EFCAB11: variants seen among roughly 807,000 people sequenced by gnomAD.
The protein encoded by EFCAB11 is EF-hand calcium-binding domain-containing protein 11.
Under a neutral mutation model 23.0 loss-of-function variants are expected in EFCAB11, and 14 were observed. The ratio of observed to expected loss-of-function variants is 0.61; its 90% CI spans 0.40 to 0.95. The LOEUF is 0.95. EFCAB11 is among the 40% of genes least tolerant of loss of function. The probability of loss-of-function intolerance (pLI) is 0.00; values close to 1 mark genes in which losing one functional copy is unlikely to be tolerated. For synonymous variants in EFCAB11, 65 were observed against 66.6 expected, an observed-to-expected ratio of 0.98 and a Z score of 0.11; for missense variants, 198 against 195.8, an observed-to-expected ratio of 1.01 and a Z score of -0.07.
intron 5 of EFCAB11, among the ~76,000 whole-genome samples, chr14:89,875,037 A>T (rs1452847614): frequency 6.6e-6 from 1 of 152,222 alleles, no homozygotes; most frequent in African/African-American, 2.4e-5. Flanking sequence ...AGTGTAGTGC[A>T]CATGCAGCCG....
chr14:89,943,671 G>A (rs1890870166), intron 3 of EFCAB11, among the ~76,000 whole-genome samples: 1 of 152,176 alleles, frequency 6.6e-6, no homozygotes, highest in Admixed American at 6.5e-5. Flanking sequence ...CAATAAGAGG[G>A]AAAGAAGAAA....
At chr14:89,887,587 T>C (rs1023446722) in intron 5 of EFCAB11, among the ~76,000 whole-genome samples, 2 of 152,192 alleles carry the variant, frequency 1.3e-5, no homozygotes, top group African/African-American at 2.4e-5. Context: ...AGGTATTAAA[T>C]TGAAATAAAG....
intron 5 of EFCAB11, among the ~76,000 whole-genome samples, chr14:89,814,050 G>A (rs868792532): frequency 6.7e-6 from 1 of 148,692 alleles, no homozygotes; most frequent in Non-Finnish European, 1.5e-5. Context: ...AAGTTTTACT[G>A]AAAATAGCTC....
intron 5 of EFCAB11, among the ~76,000 whole-genome samples, chr14:89,894,546 T>C (rs776827183): frequency 6.6e-6 from 1 of 151,628 alleles, no homozygotes; most frequent in Non-Finnish European, 1.5e-5. Flanking sequence ...AATTCTTTAA[T>C]CTGAGAAAGG....
chr14:89,944,555 GA>G (rs571831855), intron 3 of EFCAB11, among the ~76,000 whole-genome samples: 86 of 152,260 alleles, frequency 5.6e-4, no homozygotes, highest in African/African-American at 1.7e-3. Context: ...TCAATGCAAA[GA>G]ATGTGGGAAA....
chr14:89,867,794 G>A (rs1391858310), intron 5 of EFCAB11, among the ~76,000 whole-genome samples: 1 of 152,158 alleles, frequency 6.6e-6, no homozygotes, highest in African/African-American at 2.4e-5. Flanking sequence ...GAGTTTTGCT[G>A]GGTTGGGGAA....
chr14:89,830,617 T>C (rs1360537770), intron 5 of EFCAB11: 1 of 152,202 alleles, frequency 6.6e-6, no homozygotes, highest in African/African-American at 2.4e-5. Flanking sequence ...TCAATATATA[T>C]CCCTTTGAAA....
intron 3 of EFCAB11, among the ~76,000 whole-genome samples, chr14:89,940,221 A>G (rs937603588): frequency 2.6e-5 from 4 of 152,206 alleles, no homozygotes; most frequent in African/African-American, 9.7e-5. Flanking sequence ...AGGTAACCTT[A>G]ATGTGTATGC....
At chr14:89,892,087 G>A (rs1232063594) in intron 5 of EFCAB11, 99 of 1,544,850 alleles carry the variant, frequency 6.4e-5, no homozygotes, top group Non-Finnish European at 8.0e-5. Flanking sequence ...TGACAAACAG[G>A]AAGTCCTTTG....
intron 5 of EFCAB11, among the ~76,000 whole-genome samples, chr14:89,881,452 C>T (rs867266518): frequency 2.1e-4 from 10 of 46,744 alleles, no homozygotes; most frequent in South Asian, 1.1e-3. Flanking sequence ...TATGACTTGG[C>T]ATATATATAT....
At chr14:89,829,375 T>G (rs906490276) in intron 5 of EFCAB11, among the ~76,000 whole-genome samples, 1 of 152,182 alleles carries the variant, frequency 6.6e-6, no homozygotes, top group Non-Finnish European at 1.5e-5. Context: ...AAATCTTAGA[T>G]TATTCTCTTG....
At chr14:89,892,229 G>T in intron 5 of EFCAB11, 1 of 1,609,318 alleles carries the variant, frequency 6.2e-7, no homozygotes, top group South Asian at 1.1e-5. Context: ...CGAGGAGCTA[G>T]CTGCCTCCCT....
At chr14:89,932,727 A>T in intron 3 of EFCAB11, 100 bp from the exon 4 acceptor site, 2 of 941,436 alleles carry the variant, frequency 2.1e-6, no homozygotes, top group South Asian at 3.0e-5. Flanking sequence ...CCAATAATCA[A>T]ATTTTATCTT....
At chr14:89,930,890 A>ACAG (rs1244565239) in intron 5 of EFCAB11, among the ~76,000 whole-genome samples, 1 of 152,174 alleles carries the variant, frequency 6.6e-6, no homozygotes, top group Non-Finnish European at 1.5e-5. Context: ...CAGAGAAGAG[A>ACAG]CAGCTCTGCT....
intron 5 of EFCAB11, among the ~76,000 whole-genome samples, chr14:89,799,882 T>A (rs1273745403): frequency 6.6e-6 from 1 of 152,184 alleles, no homozygotes; most frequent in Admixed American, 6.5e-5. Context: ...CTCATTGTTT[T>A]ACCGAGTCTA....
At chr14:89,889,284 A>C (rs1221411382) in intron 5 of EFCAB11, among the ~76,000 whole-genome samples, 2 of 152,236 alleles carry the variant, frequency 1.3e-5, no homozygotes, top group Non-Finnish European at 2.9e-5. Context: ...AAAAAAACCC[A>C]AATAAAGTAT....
chr14:89,884,489 TG>T (rs1191431624), intron 5 of EFCAB11, among the ~76,000 whole-genome samples: 1 of 151,078 alleles, frequency 6.6e-6, no homozygotes, highest in Non-Finnish European at 1.5e-5. Flanking sequence ...CCCACCAAGA[TG>T]GGGAAGAAAC....
intron 5 of EFCAB11, among the ~76,000 whole-genome samples, chr14:89,915,458 C>G (rs1482385926): frequency 6.6e-6 from 1 of 152,190 alleles, no homozygotes; most frequent in African/African-American, 2.4e-5. Context: ...TTGGCACCAC[C>G]AACTGGTGAA....
rs1885600665 is a variant in EFCAB11, at chr14:89,797,136, T to C, written c.*107A>G. 6 of 1,078,368 alleles carry C rather than the reference T, an allele frequency of 5.6e-6. No homozygotes were observed. Among genetic ancestry groups the C allele is most frequent in the South Asian group, 4.8e-5 (3 of 62,090 alleles). The allele number at this position is 1,078,368 out of a possible 1,614,324, so 66.8% of individuals were successfully genotyped here. ...TGTACCCACAAAAATTAAAAATTTT[T>C]AAATGTTTAATCACAAGTCTGTAGC... On this transcript the variant is annotated 3_prime_UTR_variant, in exon 6 of 6. Coordinates refer to ENST00000316738, the MANE Select transcript of EFCAB11 (RefSeq NM_145231.4).
Sources: gnomAD v4.1 joint callset for allele counts (sites outside exome capture counted in the v4.1 genomes callset) on GRCh38, gnomAD v4.1.1 for gene constraint, MANE v1.5 for transcripts, NCBI Gene and HGNC (gene_info 2026-07-23, HGNC 2026-07-21) for gene names.